Variants in XYLT2 observed in about 807,000 individuals in gnomAD.
The protein encoded by XYLT2 is xylosyltransferase 2, also known as UDP-D-xylose:proteoglycan core protein beta-D-xylosyltransferase.
In XYLT2, 37 loss-of-function variants were observed where a neutral mutation model predicts 82.6. That is an observed-to-expected ratio of 0.45 (90% CI 0.34 to 0.59). The LOEUF (loss-of-function observed/expected upper bound fraction) is 0.59. Among genes scored for constraint, XYLT2 ranks in the 20% least tolerant of loss-of-function variants. The probability of loss-of-function intolerance (pLI) is 0.01; values close to 1 mark genes in which losing one functional copy is unlikely to be tolerated. For synonymous variants in XYLT2, 474 were observed against 499.0 expected (o/e 0.95, Z 0.67); for missense variants, 934 against 1,181.3 (o/e 0.79, Z 3.07).
At chr17:50,358,865 C>T (rs921251533) in intron 10 of XYLT2, 2 of 247,098 alleles carry the variant, frequency 8.1e-6, no homozygotes, top group African/African-American at 2.2e-5. Context: ...TATCAGGGAC[C>T]TCCTGGTTCA....
At position 50,359,952 on chromosome 17, in the gene XYLT2, C is replaced by T; in HGVS notation, c.2276-17C>T. The T allele has an allele frequency of 6.4e-7, 1 of 1,559,944 alleles. No individual in the cohort carries two copies. The highest frequency in any genetic ancestry group is 8.7e-7 in the Non-Finnish European group (1 of 1,148,814). ...CTGTTGCAGGGGGTGTGCTTACTGC[C>T]TGCTCTGCACCCACAGATGATGCCA... On this transcript the variant is annotated splice_polypyrimidine_tract_variant and intron_variant, in intron 10 of 10. Transcript: ENST00000017003.
intron 1 of XYLT2, among the ~76,000 whole-genome samples, chr17:50,352,654 A>G (rs770347806): frequency 1.6e-4 from 25 of 152,304 alleles, no homozygotes; most frequent in Non-Finnish European, 3.5e-4. Flanking sequence ...CCTGGATTTG[A>G]GGAGAGGCAG....
intron 7 of XYLT2, 69 bp downstream of exon 7, chr17:50,356,330 G>A: frequency 1.3e-6 from 2 of 1,578,968 alleles, no homozygotes; most frequent in Admixed American, 3.5e-5. Flanking sequence ...GAAAATGGCA[G>A]GGTGGGCCAG....
intron 3 of XYLT2, 122 bp downstream of exon 3, chr17:50,354,705 G>A: frequency 6.6e-7 from 1 of 1,524,380 alleles, no homozygotes; most frequent in South Asian, 1.2e-5. Context: ...GCCCTGAACA[G>A]GGGAGTGGCA....
In XYLT2 at chr17:50,360,001, CACA is replaced by C. The variant is rs1567809073; in HGVS notation, c.2311_2313del (p.Asn771del). The C allele has an allele frequency of 1.9e-6, 3 of 1,611,452 alleles. No homozygotes were observed. Among genetic ancestry groups the C allele is most frequent in the Non-Finnish European group, 1.7e-6 (2 of 1,178,664 alleles). On this transcript the variant is annotated inframe_deletion, in exon 11 of 11. Transcript: ENST00000017003. ...CAGCTGGCTGCACGCAGGGCCACCCCACAACGAGTACATGGAGCAGAGTTTCCA... is the reference window on the plus strand; with the variant it reads ...CAGCTGGCTGCACGCAGGGCCACCCCACGAGTACATGGAGCAGAGTTTCCA...
chr17:50,357,249 G>A lies in XYLT2; in HGVS notation c.1938G>A (p.Leu646=), dbSNP rs3803883. The change falls in exon 9 of 11, where the codon CTG becomes CTA. Residue 646 remains leucine (L), a synonymous_variant. Coordinates refer to ENST00000017003, the MANE Select transcript of XYLT2 (RefSeq NM_022167.4). ...RSDQASRLQS[L]EVGTDWDPKE... Reference sequence around the variant, plus strand: ...ACCAGGCCAGCCGGCTCCAGAGTCTGGAGGTGGGACAGGTCCCCCACTTGC... The same window carrying A: ...ACCAGGCCAGCCGGCTCCAGAGTCTAGAGGTGGGACAGGTCCCCCACTTGC... 4,421 of 1,587,362 alleles carry A rather than the reference G, an allele frequency of 2.8e-3. 184 individuals carry two copies. The East Asian group carries it at 0.081, about 29-fold the overall frequency.
chr17:50,354,883 G>A lies in XYLT2; in HGVS notation c.834G>A (p.Val278=), dbSNP rs1296269936. ...CCGACTACCTGCACCGGGAGGTGGTGGAGCTGGCCCAGGGCTATGATAACG... is the reference window on the plus strand; with the variant it reads ...CCGACTACCTGCACCGGGAGGTGGTAGAGCTGGCCCAGGGCTATGATAACG... ...KRSDYLHREV[V]ELAQGYDNVR... is the part of the protein sequence containing the mutation. The change falls in exon 4 of 11, where the codon GTG becomes GTA. Residue 278 remains valine, a synonymous_variant. Coordinates refer to ENST00000017003, the MANE Select transcript of XYLT2 (RefSeq NM_022167.4). 9.9e-6 allele frequency: 16 copies of A among 1,613,124 alleles called. No homozygotes were observed. Among genetic ancestry groups the A allele is most frequent in the Non-Finnish European group, 1.4e-5 (16 of 1,179,656 alleles).
In XYLT2 at chr17:50,355,923, T is replaced by G. The variant is rs1457899155; in HGVS notation, c.1231T>G (p.Tyr411Asp). 6.2e-7 allele frequency: 1 copy of G among 1,613,876 alleles called. No homozygotes were observed. The highest frequency in any genetic ancestry group is 8.5e-7 in the Non-Finnish European group (1 of 1,179,988). Residue 411 changes from tyrosine to aspartate, a missense_variant, in exon 6 of 11, where the codon TAT (tyrosine) becomes GAT (aspartate). By Grantham distance (160) the Tyr-to-Asp change is radical. Around this residue, in one of 3 missense-constraint regions of XYLT2, gnomAD observed 189 missense variants for 320.8 expected, o/e 0.59. Transcript: ENST00000017003. ...WFVLTRSFVE[Y>D]VVYTDDPLVA... The stretch of plus-strand genomic sequence containing the variant: ...CGTGCTGACACGCAGCTTTGTGGAG[T>G]ATGTGGTGTACACAGATGACCCGCT...
chr17:50,354,288 C>T, intron 2 of XYLT2, 120 bp from the exon 3 acceptor site: 1 of 1,487,718 alleles, frequency 6.7e-7, no homozygotes, highest in South Asian at 1.3e-5. Flanking sequence ...AGAGTGGGGA[C>T]CCACGAGCAT....
At position 50,356,534 on chromosome 17, in the gene XYLT2, C is replaced by T. The variant is rs747255633; in HGVS notation, c.1506C>T (p.Phe502=). 1.7e-5 allele frequency: 27 copies of T among 1,614,026 alleles called. No homozygotes were observed. The highest frequency in any genetic ancestry group is 1.6e-4 in the Middle Eastern group (1 of 6,082). The change falls in exon 8 of 11, where the codon TTC becomes TTT. Residue 502 remains phenylalanine (F), a synonymous_variant. Coordinates refer to ENST00000017003, the MANE Select transcript of XYLT2 (RefSeq NM_022167.4). ...RLQQVSRPTF[F]ARKFESTVNQ... is the part of the protein sequence containing the mutation. Reference sequence around the variant, plus strand: ...AGCAAGTCTCCAGACCCACCTTCTTCGCCCGGAAGTTCGAGTCGACTGTGA... The same window carrying T: ...AGCAAGTCTCCAGACCCACCTTCTTTGCCCGGAAGTTCGAGTCGACTGTGA...
intron 1 of XYLT2, among the ~76,000 whole-genome samples, chr17:50,351,914 G>A (rs1349439517): frequency 6.6e-6 from 1 of 152,152 alleles, no homozygotes; most frequent in Non-Finnish European, 1.5e-5. Context: ...AAGTCACTTA[G>A]GAAGTGAAGG....
At position 50,356,980 on chromosome 17, in the gene XYLT2, C is replaced by T. The variant is rs1290569186; in HGVS notation, c.1746-77C>T. ...GGAAGTGCCTGGGGATGGGACTCCC[C>T]AGAGCCCCCTCCCTGGGACTCCAGG... On this transcript the variant is annotated intron_variant, in intron 8 of 10. Transcript: ENST00000017003. 2.0e-6 allele frequency: 3 copies of T among 1,504,070 alleles called. No homozygotes were observed. In the African/African-American group the frequency reaches 4.2e-5, roughly 21 times the overall value. 93.2% of individuals were successfully genotyped at this position (1,504,070 alleles called of 1,614,324 possible).
At position 50,356,890 on chromosome 17, in the gene XYLT2, T is replaced by G. The variant is rs967786182; in HGVS notation, c.1745+117T>G. 2.7e-5 allele frequency: 40 copies of G among 1,496,360 alleles called. No individual in the cohort carries two copies. The Middle Eastern group carries it at 1.1e-3, about 42-fold the overall frequency. 92.7% of individuals were successfully genotyped at this position (1,496,360 alleles called of 1,614,324 possible). A position where few individuals can be genotyped will look rare whatever the true frequency, so the allele number is the denominator to read the frequency against. On this transcript the variant is annotated intron_variant, in intron 8 of 10. Transcript: ENST00000017003. ...GGCCCCAGTCTGAAGCAGGGAAAAA[T>G]GCAAATACCGAAAAGACGGCTAGAG...
chr17:50,353,903 G>A lies in XYLT2; in HGVS notation c.409G>A (p.Gly137Ser). 2 of 1,608,798 alleles carry A rather than the reference G, an allele frequency of 1.2e-6. No individual in the cohort carries two copies. The highest frequency in any genetic ancestry group is 1.7e-6 in the Non-Finnish European group (2 of 1,179,682). ...TGGGGAGGCGCTGGTAGGGGCAGCT[G>A]GCTTCCCACCACACGGAGATACAGG... is the stretch of plus-strand genomic sequence containing the variant. ...AAGEALVGAA[G>S]FPPHGDTGSV... Residue 137 changes from glycine to serine, a missense_variant, in exon 2 of 11, where the codon GGC (glycine) becomes AGC (serine). Around this residue, in one of 3 missense-constraint regions of XYLT2, gnomAD observed 371 missense variants for 394.9 expected, o/e 0.94. Coordinates refer to ENST00000017003, the MANE Select transcript of XYLT2 (RefSeq NM_022167.4).
rs143167798 is a variant in XYLT2, at chr17:50,354,021, C to T, written c.527C>T (p.Ala176Val). ...GKDALSALAR[A>V]STKQCQQEIA... ...GACGCACTGTCTGCACTGGCCCGGG[C>T]CAGCACCAAGCAGTGCCAGCAGGAG... Residue 176 changes from alanine to valine, a missense_variant, in exon 2 of 11, where the codon GCC becomes GTC. Transcript: ENST00000017003. 11 of 1,607,592 alleles carry T rather than the reference C, an allele frequency of 6.8e-6. No homozygotes were observed. In the African/African-American group the frequency reaches 1.3e-4, roughly 20 times the overall value.
At position 50,360,214 on chromosome 17, in the gene XYLT2, C is replaced by T. The variant is rs897918120; in HGVS notation, c.2521C>T (p.Leu841=). 2.5e-6 allele frequency: 4 copies of T among 1,613,974 alleles called. No homozygotes were observed. The highest frequency in any genetic ancestry group is 3.4e-6 in the Non-Finnish European group (4 of 1,180,002). The change falls in exon 11 of 11, where the codon CTG becomes TTG. Residue 841 remains leucine, a synonymous_variant. Transcript: ENST00000017003. ...SPCPSLEPCR[L]TSWSSLSPDP... is the part of the protein sequence containing the mutation. Reference sequence around the variant, plus strand: ...CTGCCCCTCCCTGGAGCCCTGCAGACTGACCAGCTGGAGCTCTCTGTCCCC... The same window carrying T: ...CTGCCCCTCCCTGGAGCCCTGCAGATTGACCAGCTGGAGCTCTCTGTCCCC...
chr17:50,360,449 T>G lies in XYLT2; in HGVS notation c.*158T>G. The G allele has an allele frequency of 1.4e-6, 2 of 1,419,212 alleles. No homozygotes were observed. The highest frequency in any genetic ancestry group is 1.8e-6 in the Non-Finnish European group (2 of 1,090,766). The allele number at this position is 1,419,212 out of a possible 1,614,324, so 87.9% of individuals were successfully genotyped here. A position where few individuals can be genotyped will look rare whatever the true frequency, so the allele number is the denominator to read the frequency against. ...GACGGCAGGGAAGGTGGACACAGTA[T>G]GAACTACTGCTGATGTCTCTGTTGG... On this transcript the variant is annotated 3_prime_UTR_variant, in exon 11 of 11. Transcript: ENST00000017003.
chr17:50,354,599 G>A lies in XYLT2; in HGVS notation c.804+16G>A. 2 of 1,596,384 alleles carry A rather than the reference G, an allele frequency of 1.3e-6. No individual in the cohort carries two copies. Among genetic ancestry groups the A allele is most frequent in the Non-Finnish European group, 8.5e-7 (1 of 1,170,780 alleles). ...TGTGGACAAGGTACTGTGGTGGGGA[G>A]AGGCCAAGGGGTCTGGGATGAGCAG... On this transcript the variant is annotated intron_variant, in intron 3 of 10. Transcript: ENST00000017003.
chr17:50,357,286 C>A (rs1260348730), intron 9 of XYLT2, 34 bp downstream of exon 9: 5 of 1,521,630 alleles, frequency 3.3e-6, no homozygotes, highest in Non-Finnish European at 4.4e-6. Context: ...TTCTCCCAAC[C>A]CCCACCCAGA....
Sources: gnomAD v4.1 joint callset for allele counts (sites outside exome capture counted in the v4.1 genomes callset) on GRCh38, gnomAD v4.1.1 for gene constraint, gnomAD v4.1.1 regional missense constraint, MANE v1.5 for transcripts, NCBI Gene and HGNC (gene_info 2026-07-23, HGNC 2026-07-21) for gene names.